Variants in RIF1 observed in about 807,000 individuals in gnomAD.
The protein encoded by RIF1 is replication timing regulatory factor 1.
A neutral mutation model predicts 247.1 loss-of-function variants in RIF1; 45 were observed. The ratio of observed to expected loss-of-function variants is 0.18; its 90% CI spans 0.14 to 0.23. RIF1 has a LOEUF of 0.23. Among genes scored for constraint, RIF1 ranks in the 10% least tolerant of loss-of-function variants. The pLI is 1.00. For missense variants in RIF1, 2,967 were observed against 2,862.5 expected (o/e 1.04, Z -0.83); for synonymous variants, 1,087 against 978.8 (o/e 1.11, Z -2.06).
In RIF1 at chr2:151,446,587, C is replaced by G. The variant is rs144560875; in HGVS notation, c.2244+12C>G. On this transcript the variant is annotated intron_variant, in intron 20 of 35. Coordinates refer to ENST00000444746, the MANE Select transcript of RIF1 (RefSeq NM_018151.5). The stretch of plus-strand genomic sequence containing the variant: ...ATGAAGGCTTTTCTGTGAGTTTGTC[C>G]TGATGCTACCTTTTTTTGTTTGTTT... 1 of 1,602,432 alleles carries G rather than the reference C, an allele frequency of 6.2e-7. No individual in the cohort carries two copies. Among genetic ancestry groups the G allele is most frequent in the African/African-American group, 1.4e-5 (1 of 74,064 alleles).
chr2:151,433,239 A>C lies in RIF1; in HGVS notation c.1077+11A>C, dbSNP rs779117548. The C allele has an allele frequency of 6.7e-5, 107 of 1,602,992 alleles. No individual in the cohort carries two copies. The highest frequency in any genetic ancestry group is 8.5e-6 in the Non-Finnish European group (10 of 1,171,142). On this transcript the variant is annotated intron_variant, in intron 10 of 35. Coordinates refer to ENST00000444746, the MANE Select transcript of RIF1 (RefSeq NM_018151.5). ...GCTAATTTTGAACAGGTAACATTAC[A>C]AGTGTTGACTATAGCACTTTATGTT... is the stretch of plus-strand genomic sequence containing the variant.
At chr2:151,429,361 A>G (rs553565424) in intron 9 of RIF1, among the ~76,000 whole-genome samples, 12 of 152,034 alleles carry the variant, frequency 7.9e-5, no homozygotes, top group Non-Finnish European at 1.5e-4. Context: ...GTGCATTTTT[A>G]GTAGAGACAG....
At chr2:151,414,964 T>C (rs1054061968) in intron 4 of RIF1, 45 bp downstream of exon 4, 2 of 1,189,898 alleles carry the variant, frequency 1.7e-6, no homozygotes, top group Non-Finnish European at 2.4e-6. Flanking sequence ...GTATAAAGTA[T>C]AAGTTTTAAG....
In RIF1 at chr2:151,456,637, C is replaced by T. The variant is rs757353667; in HGVS notation, c.2652+17C>T. ...AACAACAAGGTAAAAATAGACAATT[C>T]TCCATAAACCATACTTTCATGATGA... On this transcript the variant is annotated intron_variant, in intron 23 of 35. Transcript: ENST00000444746. 7.2e-7 allele frequency: 1 copy of T among 1,379,838 alleles called. No individual in the cohort carries two copies. The highest frequency in any genetic ancestry group is 1.0e-6 in the Non-Finnish European group (1 of 988,696). The allele number at this position is 1,379,838 out of a possible 1,614,324, so 85.5% of individuals were successfully genotyped here. A position where few individuals can be genotyped will look rare whatever the true frequency, so the allele number is the denominator to read the frequency against.
chr2:151,513,502 A>G, the RIF1 span: 12 of 1,017,776 alleles, frequency 1.2e-5, 1 homozygote, highest in South Asian at 1.8e-4. Context: ...CCAATAAATC[A>G]GATGACAGAG....
At chr2:151,516,732 A>G in the RIF1 span, among the ~76,000 whole-genome samples, 8 of 152,290 alleles carry the variant, frequency 5.3e-5, no homozygotes, top group African/African-American at 1.4e-4. Context: ...GTTGTTGTCT[A>G]GGTGTTGAGG....
At chr2:151,494,735 G>A (rs536889870) in intron 9 of RIF1, among the ~76,000 whole-genome samples, 95 of 152,220 alleles carry the variant, frequency 6.2e-4, no homozygotes, top group South Asian at 2.1e-4. Context: ...TGCAACCTCC[G>A]CCTCCCGGGT....
intron 12 of RIF1, 53 bp downstream of exon 12, chr2:151,437,056 ATGC>A: frequency 6.8e-7 from 1 of 1,472,052 alleles, no homozygotes; most frequent in Non-Finnish European, 9.3e-7. Flanking sequence ...CTAGGACTTA[ATGC>A]ATTGGGGTGA....
intron 10 of RIF1, chr2:151,497,515 T>G (rs962608084): frequency 2.7e-6 from 4 of 1,497,194 alleles, no homozygotes; most frequent in Non-Finnish European, 3.5e-6. Flanking sequence ...CTAAAGAAAT[T>G]CACAAAATTT....
the RIF1 span, chr2:151,518,864 TAG>T: frequency 1.4e-6 from 1 of 727,722 alleles, no homozygotes; most frequent in African/African-American, 1.7e-5. Context: ...GTAATAAATC[TAG>T]GGTATCAGTA....
At chr2:151,518,503 T>G in the RIF1 span, 4 of 836,350 alleles carry the variant, frequency 4.8e-6, no homozygotes, top group Non-Finnish European at 6.0e-6. Context: ...ATTAGACGTT[T>G]ACACAGCACC....
chr2:151,436,157 C>T (rs1413558345), intron 11 of RIF1, among the ~76,000 whole-genome samples: 7 of 151,638 alleles, frequency 4.6e-5, no homozygotes, highest in African/African-American at 4.8e-5. Flanking sequence ...TCCTGGGAGG[C>T]GGAGGTTGCA....
Position 151,454,921 on chromosome 2 carries a change from A to G in RIF1, c.2371A>G (p.Lys791Glu), listed in dbSNP as rs1239288853. ...ACCACAGAGACCTTCAGATTGGTCC[A>G]AAAAGAAGAATGAGCCCCTAGGGAA... ...KSPQRPSDWS[K>E]KKNEPLGKLT... The change falls in exon 22 of 36, where the codon AAA becomes GAA. Residue 791 changes from lysine (K) to glutamate (E), a missense_variant. Coordinates refer to ENST00000444746, the MANE Select transcript of RIF1 (RefSeq NM_018151.5). The G allele has an allele frequency of 7.5e-6, 12 of 1,609,776 alleles. No homozygotes were observed. Among genetic ancestry groups the G allele is most frequent in the East Asian group, 2.2e-5 (1 of 44,762 alleles).
chr2:151,433,578 C>T (rs1204945514), intron 10 of RIF1, among the ~76,000 whole-genome samples: 1 of 152,050 alleles, frequency 6.6e-6, no homozygotes, highest in Non-Finnish European at 1.5e-5. Context: ...TGTCAGTCTC[C>T]CGAGTAGCTG....
rs769379465 is a variant in RIF1, at chr2:151,409,995, G to C, written c.-49G>C. 2.8e-6 allele frequency: 2 copies of C among 702,620 alleles called. No homozygotes were observed. The highest frequency in any genetic ancestry group is 5.2e-6 in the Non-Finnish European group (2 of 384,808). 43.5% of individuals were successfully genotyped at this position (702,620 alleles called of 1,614,324 possible). A position where few individuals can be genotyped will look rare whatever the true frequency, so the allele number is the denominator to read the frequency against. On this transcript the variant is annotated 5_prime_UTR_variant, in exon 1 of 36. Coordinates refer to ENST00000444746, the MANE Select transcript of RIF1 (RefSeq NM_018151.5). ...AGCTCTGGCAGCGTCTGGGTGCTGA[G>C]GGGCAGAGGCGGAGAGAACCCTGTC...
the RIF1 span, chr2:151,524,412 C>G: frequency 6.2e-7 from 1 of 1,613,922 alleles, no homozygotes; most frequent in East Asian, 2.2e-5. Context: ...GCTCTGTACT[C>G]CACCTGAATC....
intron 30 of RIF1, 150 bp downstream of exon 30, chr2:151,466,270 TAGA>T: frequency 1.7e-6 from 1 of 586,926 alleles, no homozygotes; most frequent in Admixed American, 3.0e-5. Context: ...AAAAGGTAGG[TAGA>T]AGAAAAGGTT....
At chr2:151,446,356 G>T in intron 19 of RIF1, 70 bp from the exon 20 acceptor site, 17 of 1,238,648 alleles carry the variant, frequency 1.4e-5, no homozygotes, top group Non-Finnish European at 1.6e-5. Flanking sequence ...TGTTAAAGAT[G>T]TATTGATTCT....
chr2:151,516,187 T>C, the RIF1 span, among the ~76,000 whole-genome samples: 430 of 152,234 alleles, frequency 2.8e-3, no homozygotes, highest in Non-Finnish European at 4.7e-3. Context: ...TTACATTCAG[T>C]ATAATTTGTG....
Sources: gnomAD v4.1 joint callset for allele counts (sites outside exome capture counted in the v4.1 genomes callset) on GRCh38, gnomAD v4.1.1 for gene constraint, MANE v1.5 for transcripts, NCBI Gene and HGNC (gene_info 2026-07-23, HGNC 2026-07-21) for gene names.